The following CDK14 variants were observed in gnomAD, a reference collection of about 807,000 sequenced individuals.
CDK14 encodes cyclin dependent kinase 14, also known as cyclin-dependent kinase 14.
Under a neutral mutation model 60.7 loss-of-function variants are expected in CDK14, and 34 were observed. That is an observed-to-expected ratio of 0.56 (90% CI 0.43 to 0.75). The LOEUF (loss-of-function observed/expected upper bound fraction) is 0.75, where lower values mean the gene tolerates loss of function less well. Among genes scored for constraint, CDK14 ranks in the 30% least tolerant of loss-of-function variants. The probability of loss-of-function intolerance (pLI) is 0.00; values close to 1 mark genes in which losing one functional copy is unlikely to be tolerated. For missense variants in CDK14, 482 were observed against 564.1 expected, an observed-to-expected ratio of 0.85 and a Z score of 1.47; for synonymous variants, 197 against 203.7, an observed-to-expected ratio of 0.97 and a Z score of 0.28.
intron 5 of CDK14, among the ~76,000 whole-genome samples, chr7:90,854,900 A>C (rs909796265): frequency 6.6e-6 from 1 of 152,176 alleles, no homozygotes; most frequent in East Asian, 1.9e-4. Flanking sequence ...CACCATTCCC[A>C]TCCTTGTTGC....
At chr7:91,023,291 C>T (rs1373660373) in intron 10 of CDK14, among the ~76,000 whole-genome samples, 1 of 152,064 alleles carries the variant, frequency 6.6e-6, no homozygotes, top group Non-Finnish European at 1.5e-5. Flanking sequence ...TTTTCTGTAT[C>T]CTAGTACCAT....
chr7:90,691,632 G>T (rs983918649), intron 2 of CDK14, among the ~76,000 whole-genome samples: 1 of 152,132 alleles, frequency 6.6e-6, no homozygotes, highest in African/African-American at 2.4e-5. Flanking sequence ...GTGAAGTGAC[G>T]TTGCTTCCAT....
chr7:91,143,791 T>G (rs1490344634), intron 14 of CDK14, among the ~76,000 whole-genome samples: 4 of 151,844 alleles, frequency 2.6e-5, no homozygotes, highest in African/African-American at 9.7e-5. Context: ...TGTTGAGCAC[T>G]TTACATGAGT....
chr7:91,048,458 T>G (rs1797300597), intron 11 of CDK14, among the ~76,000 whole-genome samples: 2 of 152,226 alleles, frequency 1.3e-5, no homozygotes, highest in Admixed American at 6.5e-5. Context: ...ATGCATTGAG[T>G]ACCCTTGTGC....
chr7:91,168,544 A>G (rs1202507371), intron 14 of CDK14, among the ~76,000 whole-genome samples: 1 of 152,182 alleles, frequency 6.6e-6, no homozygotes, highest in Non-Finnish European at 1.5e-5. Flanking sequence ...TTATCTTTTT[A>G]AAGATTATAT....
chr7:91,151,572 T>A (rs1800828364), intron 14 of CDK14, among the ~76,000 whole-genome samples: 1 of 152,190 alleles, frequency 6.6e-6, no homozygotes, highest in Non-Finnish European at 1.5e-5. Context: ...TTCTTAACAA[T>A]GCTATTTTAA....
intron 14 of CDK14, among the ~76,000 whole-genome samples, chr7:91,127,096 C>G (rs770693018): frequency 1.1e-4 from 17 of 152,006 alleles, no homozygotes; most frequent in Non-Finnish European, 2.4e-4. Context: ...CTGGAGGGAG[C>G]AGGGAAGGAA....
chr7:90,711,173 A>G (rs532326093), intron 2 of CDK14, among the ~76,000 whole-genome samples: 1 of 152,136 alleles, frequency 6.6e-6, no homozygotes, highest in Non-Finnish European at 1.5e-5. Flanking sequence ...TTTAAGAAAG[A>G]TCGCCTGATT....
chr7:90,737,889 G>C, intron 3 of CDK14, among the ~76,000 whole-genome samples: 1 of 152,164 alleles, frequency 6.6e-6, no homozygotes, highest in South Asian at 2.1e-4. Context: ...TCTTAAGCAA[G>C]GGGTTATGTG....
At chr7:91,095,276 C>T (rs1798949464) in intron 12 of CDK14, among the ~76,000 whole-genome samples, 1 of 152,178 alleles carries the variant, frequency 6.6e-6, no homozygotes, top group Non-Finnish European at 1.5e-5. Flanking sequence ...ATAGAAGGCA[C>T]TCAGTTCATA....
At position 90,621,402 on chromosome 7, in the gene CDK14, G is replaced by T. The variant is rs181903238; in HGVS notation, c.123+17153G>T. On this transcript the variant is annotated intron_variant, in intron 2 of 14. Coordinates refer to ENST00000380050, the MANE Select transcript of CDK14 (RefSeq NM_001287135.2). ...AGTCTTGGGACCTGTTGTTTGAGCA[G>T]ATGTTCACATCCTTAAAATACTCTC... Among the ~76,000 whole-genome samples the T allele has an allele frequency of 9.5e-4, 144 of 152,328 alleles. 1 individual carries two copies. Among genetic ancestry groups the T allele is most frequent in the African/African-American group, 3.2e-3 (132 of 41,572 alleles).
intron 1 of CDK14, among the ~76,000 whole-genome samples, chr7:90,601,411 TA>T (rs1355665779): frequency 6.6e-6 from 1 of 152,186 alleles, no homozygotes; most frequent in Non-Finnish European, 1.5e-5. Context: ...AAGGACTCAA[TA>T]TTTAGAAGAA....
At chr7:90,853,608 T>C (rs141822806) in intron 5 of CDK14, among the ~76,000 whole-genome samples, 2 of 152,282 alleles carry the variant, frequency 1.3e-5, no homozygotes, top group Non-Finnish European at 2.9e-5. Context: ...TTTTAAACTT[T>C]AGGATGTGTA....
rs191572213 is a variant in CDK14 at position 91,129,834 on chromosome 7, A to G, written c.*28+11626A>G. ...ACAAATGTGATTTTTTTGATATTATATAGTGAAACGTGTCAACCTTTGAAA... is the reference window on the plus strand; with the variant it reads ...ACAAATGTGATTTTTTTGATATTATGTAGTGAAACGTGTCAACCTTTGAAA... On this transcript the variant is annotated intron_variant, in intron 14 of 14. Coordinates refer to ENST00000380050, the MANE Select transcript of CDK14 (RefSeq NM_001287135.2). Among the ~76,000 whole-genome samples the G allele has an allele frequency of 2.6e-3, 403 of 152,292 alleles. 5 individuals are homozygous for G. The highest frequency in any genetic ancestry group is 0.01 in the Middle Eastern group (3 of 294).
chr7:91,083,167 A>T (rs1398786432), intron 12 of CDK14, among the ~76,000 whole-genome samples: 5 of 152,042 alleles, frequency 3.3e-5, no homozygotes, highest in African/African-American at 1.2e-4. Flanking sequence ...TAACAATTTT[A>T]ATTTATTTAG....
At chr7:90,859,689 T>G (rs1328060887) in intron 5 of CDK14, among the ~76,000 whole-genome samples, 1 of 152,132 alleles carries the variant, frequency 6.6e-6, no homozygotes, top group Non-Finnish European at 1.5e-5. Flanking sequence ...CCCCAACCAG[T>G]GTGATACATT....
At chr7:90,861,162 TTC>T (rs1790995815) in intron 5 of CDK14, among the ~76,000 whole-genome samples, 1 of 152,050 alleles carries the variant, frequency 6.6e-6, no homozygotes, top group Non-Finnish European at 1.5e-5. Flanking sequence ...ACTTGTTGAG[TTC>T]TTACTATGCT....
At chr7:91,090,759 G>A (rs1242590808) in intron 12 of CDK14, among the ~76,000 whole-genome samples, 3 of 152,006 alleles carry the variant, frequency 2.0e-5, no homozygotes, top group East Asian at 1.9e-4. Flanking sequence ...CAAATTCTTC[G>A]ATTTTGTTGA....
chr7:91,149,269 C>T (rs1298403271), intron 14 of CDK14, among the ~76,000 whole-genome samples: 2 of 151,658 alleles, frequency 1.3e-5, no homozygotes, highest in African/African-American at 4.8e-5. Context: ...GTGCCATTCA[C>T]TTTGGGAGCT....
Sources: gnomAD v4.1 joint callset for allele counts (sites outside exome capture counted in the v4.1 genomes callset) on GRCh38, gnomAD v4.1.1 for gene constraint, MANE v1.5 for transcripts, NCBI Gene and HGNC (gene_info 2026-07-23, HGNC 2026-07-21) for gene names.